Variants in ACCSL observed in about 807,000 individuals in gnomAD.
ACCSL encodes the protein probable inactive 1-aminocyclopropane-1-carboxylate synthase-like protein 2.
Under a neutral mutation model 61.7 loss-of-function variants are expected in ACCSL, and 55 were observed. That is an observed-to-expected ratio of 0.89 (90% CI 0.72 to 1.12). The LOEUF (loss-of-function observed/expected upper bound fraction) is 1.12. Among genes scored for constraint, ACCSL ranks in the 50% most tolerant of loss-of-function variants. The pLI, the probability that ACCSL is intolerant of heterozygous loss-of-function variation, is 0.00. For missense variants in ACCSL, 632 were observed against 698.0 expected (o/e 0.91, Z 1.07); for synonymous variants, 258 against 264.3 (o/e 0.98, Z 0.23).
the ACCSL span, chr11:43,944,080 C>T: frequency 2.8e-6 from 1 of 354,748 alleles, no homozygotes; most frequent in African/African-American, 2.1e-5. Flanking sequence ...GATCCACCCC[C>T]GGTCCAGTGT....
chr11:44,058,858 T>C (rs544614738), intron 13 of ACCSL, among the ~76,000 whole-genome samples, 159 bp downstream of exon 13: 1 of 152,298 alleles, frequency 6.6e-6, no homozygotes, highest in East Asian at 1.9e-4. Context: ...AGAACTGATA[T>C]GTACCTCAAG....
chr11:44,026,399 T>C, the ACCSL span, among the ~76,000 whole-genome samples: 1 of 152,356 alleles, frequency 6.6e-6, no homozygotes, highest in East Asian at 1.9e-4. Flanking sequence ...TACCTCTTTA[T>C]TGATATTCTC....
At chr11:43,957,954 A>T in the ACCSL span, among the ~76,000 whole-genome samples, 1 of 152,356 alleles carries the variant, frequency 6.6e-6, no homozygotes. Flanking sequence ...TAACTGAGAA[A>T]ATTATGGCAG....
At chr11:44,032,230 G>T in the ACCSL span, among the ~76,000 whole-genome samples, 1 of 152,122 alleles carries the variant, frequency 6.6e-6, no homozygotes, top group Non-Finnish European at 1.5e-5. Context: ...GGATATGCAA[G>T]ATGCCTCACC....
At chr11:44,059,667 A>G (rs1952695519) in intron 13 of ACCSL, among the ~76,000 whole-genome samples, 171 bp from the exon 14 acceptor site, 1 of 152,244 alleles carries the variant, frequency 6.6e-6, no homozygotes, top group Admixed American at 6.5e-5. Context: ...TCAAAAAGAA[A>G]TCAGGGATGC....
the ACCSL span, among the ~76,000 whole-genome samples, chr11:43,963,366 C>T: frequency 6.6e-6 from 1 of 152,334 alleles, no homozygotes; most frequent in South Asian, 2.1e-4. Flanking sequence ...AAGCTTTCTC[C>T]AGTTATATGT....
chr11:43,956,786 T>G, the ACCSL span, among the ~76,000 whole-genome samples: 1 of 152,156 alleles, frequency 6.6e-6, no homozygotes, highest in African/African-American at 2.4e-5. Flanking sequence ...TTTCAATCAA[T>G]TGAGGTTTAT....
chr11:43,929,567 C>T, the ACCSL span, among the ~76,000 whole-genome samples: 13 of 152,070 alleles, frequency 8.5e-5, no homozygotes, highest in Non-Finnish European at 1.0e-4. Flanking sequence ...CCACCACGCC[C>T]GGCTCATTTT....
chr11:44,003,058 A>G, the ACCSL span, among the ~76,000 whole-genome samples: 13 of 152,226 alleles, frequency 8.5e-5, no homozygotes, highest in Non-Finnish European at 1.8e-4. Flanking sequence ...CATTTGGTTC[A>G]TCTGAAATAT....
the ACCSL span, among the ~76,000 whole-genome samples, chr11:43,981,489 A>AG: frequency 6.6e-6 from 1 of 152,246 alleles, no homozygotes; most frequent in Non-Finnish European, 1.5e-5. Context: ...TTTTAAAAAA[A>AG]GGGTGGGGGA....
chr11:43,973,365 A>G, the ACCSL span, among the ~76,000 whole-genome samples: 1 of 152,198 alleles, frequency 6.6e-6, no homozygotes, highest in Non-Finnish European at 1.5e-5. Context: ...ATGCAAATAC[A>G]TCATGTATTT....
the ACCSL span, among the ~76,000 whole-genome samples, chr11:43,921,871 T>G: frequency 1.3e-5 from 2 of 152,196 alleles, no homozygotes; most frequent in Admixed American, 1.3e-4. Context: ...GCCCTTTTCT[T>G]TACCATTAAG....
chr11:44,003,622 A>G, the ACCSL span, among the ~76,000 whole-genome samples: 1 of 149,652 alleles, frequency 6.7e-6, no homozygotes, highest in African/African-American at 2.5e-5. Context: ...CAGTCTGGGC[A>G]ACAGAGTGAG....
upstream of ACCSL, chr11:44,047,864 A>G (rs1952609033): frequency 2.5e-6 from 2 of 807,322 alleles, no homozygotes; most frequent in Non-Finnish European, 3.8e-6. Flanking sequence ...TCATGAACCA[A>G]TCTGGTCATA....
At chr11:44,037,867 C>CCGTGCGTG in the ACCSL span, among the ~76,000 whole-genome samples, 1 of 149,376 alleles carries the variant, frequency 6.7e-6, no homozygotes, top group Non-Finnish European at 1.5e-5. Flanking sequence ...ATTCATCCAT[C>CCGTGCGTG]CATGCATCCA....
At chr11:44,035,081 T>C in the ACCSL span, among the ~76,000 whole-genome samples, 1 of 152,156 alleles carries the variant, frequency 6.6e-6, no homozygotes, top group Non-Finnish European at 1.5e-5. Context: ...CAGAGATCCA[T>C]GTAGGTTCCT....
At chr11:44,029,777 C>A in the ACCSL span, among the ~76,000 whole-genome samples, 81 of 152,034 alleles carry the variant, frequency 5.3e-4, no homozygotes, top group African/African-American at 1.9e-3. Flanking sequence ...AGTTGGCCCT[C>A]CAGAGGAGCA....
the ACCSL span, among the ~76,000 whole-genome samples, chr11:44,014,497 G>C: frequency 7.2e-6 from 1 of 138,576 alleles, no homozygotes; most frequent in Non-Finnish European, 1.5e-5. Flanking sequence ...GAGAGAGAGA[G>C]AGAGAGAGAG....
chr11:43,969,339 T>C, the ACCSL span, among the ~76,000 whole-genome samples: 3 of 152,150 alleles, frequency 2.0e-5, no homozygotes, highest in Non-Finnish European at 4.4e-5. Context: ...CCAGCCTAGG[T>C]GGCAGAGTGA....
Sources: gnomAD v4.1 joint callset for allele counts (sites outside exome capture counted in the v4.1 genomes callset) on GRCh38, gnomAD v4.1.1 for gene constraint, MANE v1.5 for transcripts, NCBI Gene and HGNC (gene_info 2026-07-23, HGNC 2026-07-21) for gene names.